Variants in PMS1 observed in about 807,000 individuals in gnomAD.
PMS1 encodes the protein PMS1 homolog 1, mismatch repair system component.
In PMS1, 79 loss-of-function variants were observed where a neutral mutation model predicts 93.1. The ratio of observed to expected loss-of-function variants is 0.85; its 90% CI spans 0.71 to 1.02. The LOEUF (loss-of-function observed/expected upper bound fraction) is 1.02. Ranked by LOEUF, PMS1 falls within the 50% of genes least tolerant of loss-of-function variation. The pLI, the probability that PMS1 is intolerant of heterozygous loss-of-function variation, is 0.00. For synonymous variants in PMS1, 335 were observed against 363.4 expected (o/e 0.92, Z 0.89); for missense variants, 1,064 against 1,085.3 (o/e 0.98, Z 0.28).
At chr2:189,854,119 AT>A (rs1559304045) in intron 8 of PMS1, 37 bp downstream of exon 8, 1 of 1,452,062 alleles carries the variant, frequency 6.9e-7, no homozygotes, top group Admixed American at 1.8e-5. Flanking sequence ...TATGCTATTT[AT>A]AAACATATAT....
chr2:189,825,261 G>A (rs1225656196), intron 5 of PMS1, among the ~76,000 whole-genome samples: 3 of 152,086 alleles, frequency 2.0e-5, no homozygotes, highest in African/African-American at 2.4e-5. Flanking sequence ...TAATGACACA[G>A]CCAAAGGGAA....
intron 5 of PMS1, among the ~76,000 whole-genome samples, chr2:189,829,949 T>C (rs1053149675): frequency 6.6e-6 from 1 of 152,220 alleles, no homozygotes; most frequent in Non-Finnish European, 1.5e-5. Context: ...TCCTCTTCAG[T>C]GTATTTTCAG....
intron 6 of PMS1, among the ~76,000 whole-genome samples, chr2:189,849,276 C>T (rs1014434078): frequency 3.3e-5 from 5 of 152,118 alleles, no homozygotes; most frequent in Admixed American, 6.6e-5. Context: ...TTGAAATTTC[C>T]ATCTCTGCAT....
chr2:189,805,910 C>G (rs1426015073), intron 4 of PMS1, 156 bp downstream of exon 4: 13 of 1,525,024 alleles, frequency 8.5e-6, no homozygotes, highest in Non-Finnish European at 1.1e-5. Context: ...AGCCTTTATT[C>G]TAGCCACCAA....
At chr2:189,873,381 G>A in intron 11 of PMS1, 115 bp from the exon 12 acceptor site, 1 of 701,286 alleles carries the variant, frequency 1.4e-6, no homozygotes. Context: ...ACTTTGTCCT[G>A]ACTGTATTAA....
chr2:189,856,997 G>T (rs1007223200), intron 9 of PMS1, among the ~76,000 whole-genome samples: 1 of 152,020 alleles, frequency 6.6e-6, no homozygotes, highest in Non-Finnish European at 1.5e-5. Flanking sequence ...GGCTTTGATG[G>T]TCAAGACCTC....
chr2:189,863,886 A>G lies in PMS1; in HGVS notation c.2000A>G (p.Lys667Arg), dbSNP rs2056300523. Residue 667 changes from lysine (K) to arginine (R), a missense_variant, in exon 10 of 13, where the codon AAG becomes AGG. Physicochemically the swap from Lys to Arg is conservative, Grantham distance 26. Coordinates refer to ENST00000441310, the MANE Select transcript of PMS1 (RefSeq NM_000534.5). ...GCATGGAATTTGGCCCAGAAGCACA[A>G]GTTAAAAACCTCATTATCTAATCAA... is the stretch of plus-strand genomic sequence containing the variant. ...TSAWNLAQKH[K>R]LKTSLSNQPK... is the part of the protein sequence containing the mutation. 1 of 1,614,010 alleles carries G rather than the reference A, an allele frequency of 6.2e-7. No individual in the cohort carries two copies.
At chr2:189,872,491 G>T (rs771961916) in intron 11 of PMS1, among the ~76,000 whole-genome samples, 1 of 151,986 alleles carries the variant, frequency 6.6e-6, no homozygotes, top group African/African-American at 2.4e-5. Context: ...CTGTTACACC[G>T]ATACAGCCAA....
chr2:189,853,718 TG>T (rs1353595835), intron 7 of PMS1, among the ~76,000 whole-genome samples: 1 of 150,444 alleles, frequency 6.6e-6, no homozygotes, highest in African/African-American at 2.4e-5. Flanking sequence ...GGTTTCATCA[TG>T]TTGGCCAGGC....
intron 10 of PMS1, 71 bp downstream of exon 10, chr2:189,864,299 G>A: frequency 9.4e-7 from 1 of 1,065,438 alleles, no homozygotes; most frequent in South Asian, 1.3e-5. Flanking sequence ...TAAAATCGAA[G>A]GTAGAAGGTT....
chr2:189,837,678 TCATAGATCTATACC>T (rs2053503232), intron 5 of PMS1, among the ~76,000 whole-genome samples: 2 of 152,152 alleles, frequency 1.3e-5, no homozygotes, highest in African/African-American at 4.8e-5. Context: ...GCAGTTCCAC[TCATAGATCTATACC>T]CAAGAGAAAT....
In PMS1 at chr2:189,867,785, A is replaced by C. The variant is rs778648849; in HGVS notation, c.2343-14A>C. ...TGTTTTTAATAAGTTAAAGGGCCAT[A>C]ATTTCTTTTTCAGTCTTTTTAATGG... On this transcript the variant is annotated splice_polypyrimidine_tract_variant and intron_variant, in intron 10 of 12. Transcript: ENST00000441310. 1.3e-6 allele frequency: 2 copies of C among 1,553,590 alleles called. No individual in the cohort carries two copies. Among genetic ancestry groups the C allele is most frequent in the Non-Finnish European group, 1.8e-6 (2 of 1,125,854 alleles).
chr2:189,861,252 C>T (rs747270506), intron 9 of PMS1, among the ~76,000 whole-genome samples: 18 of 151,954 alleles, frequency 1.2e-4, no homozygotes, highest in Non-Finnish European at 2.1e-4. Flanking sequence ...CATTATGCAT[C>T]CTTATAATCT....
chr2:189,869,853 T>C (rs1009069891), intron 11 of PMS1, among the ~76,000 whole-genome samples: 1 of 152,008 alleles, frequency 6.6e-6, no homozygotes, highest in African/African-American at 2.4e-5. Context: ...CTGCAGGTTG[T>C]TGTTGTTTTA....
intron 11 of PMS1, among the ~76,000 whole-genome samples, chr2:189,870,514 A>G (rs1203911733): frequency 2.6e-5 from 4 of 152,340 alleles, no homozygotes; most frequent in Non-Finnish European, 4.4e-5. Flanking sequence ...TTATTGTTAC[A>G]TAGTTCCAAT....
At chr2:189,818,564 G>A (rs1228083913) in intron 5 of PMS1, among the ~76,000 whole-genome samples, 1 of 152,102 alleles carries the variant, frequency 6.6e-6, no homozygotes, top group Non-Finnish European at 1.5e-5. Flanking sequence ...AAGCCACCTA[G>A]TTTATGGTAT....
At chr2:189,841,337 C>G (rs1016461170) in intron 5 of PMS1, among the ~76,000 whole-genome samples, 10 of 152,190 alleles carry the variant, frequency 6.6e-5, no homozygotes, top group African/African-American at 2.4e-4. Context: ...CAATACAACT[C>G]TAGGAATAGG....
chr2:189,814,667 C>G (rs1011241473), intron 4 of PMS1, among the ~76,000 whole-genome samples: 11 of 152,066 alleles, frequency 7.2e-5, no homozygotes, highest in African/African-American at 2.7e-4. Flanking sequence ...GTTCTTTGCT[C>G]TCATACTTGT....
chr2:189,817,104 C>G (rs1230500531), intron 4 of PMS1, among the ~76,000 whole-genome samples: 2 of 152,166 alleles, frequency 1.3e-5, no homozygotes. Context: ...CTACTGGCAT[C>G]TAGTGGGTAA....
Sources: allele counts gnomAD v4.1 joint callset (sites outside exome capture counted in the v4.1 genomes callset), GRCh38; gene constraint gnomAD v4.1.1; transcripts MANE v1.5; gene names NCBI Gene and HGNC (gene_info 2026-07-23, HGNC 2026-07-21).